Variants in MAP3K2 observed in about 807,000 individuals in gnomAD.
MAP3K2 encodes mitogen-activated protein kinase kinase kinase 2.
In MAP3K2, 24 loss-of-function variants were observed where a neutral mutation model predicts 80.3. The ratio of observed to expected loss-of-function variants is 0.30; its 90% CI spans 0.22 to 0.42. The LOEUF (loss-of-function observed/expected upper bound fraction) is 0.42, where lower values mean the gene tolerates loss of function less well. Ranked by LOEUF, MAP3K2 falls within the 10% of genes least tolerant of loss-of-function variation. The pLI is 1.00. For synonymous variants in MAP3K2, 244 were observed against 253.7 expected (o/e 0.96, Z 0.36); for missense variants, 608 against 750.1 (o/e 0.81, Z 2.21).
At chr2:127,349,806 G>T (rs1686661504) in intron 1 of MAP3K2, among the ~76,000 whole-genome samples, 1 of 152,102 alleles carries the variant, frequency 6.6e-6, no homozygotes, top group Non-Finnish European at 1.5e-5. Context: ...TCACAAAGTG[G>T]TTGGGGAAGT....
chr2:127,328,554 A>G (rs56287237), intron 7 of MAP3K2, among the ~76,000 whole-genome samples: 5,154 of 152,322 alleles, frequency 0.034, 126 homozygotes, highest in Middle Eastern at 0.071. Flanking sequence ...TGGGTGTTTC[A>G]AATGTTCTTT....
intron 2 of MAP3K2, among the ~76,000 whole-genome samples, chr2:127,341,530 G>GTTTTTTTTTTTTTTTT (rs1341901292): frequency 1.8e-4 from 16 of 91,160 alleles, no homozygotes; most frequent in South Asian, 3.7e-4. Context: ...TTTTTTTGTT[G>GTTTTTTTTTTTTTTTT]TTTTTTTTTT....
At position 127,310,529 on chromosome 2, in the gene MAP3K2, G is replaced by A. The variant is rs1214792213; in HGVS notation, c.1457-1767C>T. On this transcript the variant is annotated intron_variant, in intron 15 of 16. Transcript: ENST00000682094. The surrounding 1 kb of genome is among the most constrained non-coding windows in gnomAD (Gnocchi z 4.8). ...TAGCTGGGCATGGTAGCATGTGCCT[G>A]CAGTCCCAGCTACTTGGGGGCTGAG... 1.3e-5 allele frequency among the ~76,000 whole-genome samples: 2 copies of A among 152,246 alleles called. No individual in the cohort carries two copies. Among genetic ancestry groups the A allele is most frequent in the South Asian group, 4.1e-4 (2 of 4,822 alleles).
chr2:127,315,395 T>C (rs188606184), intron 14 of MAP3K2, among the ~76,000 whole-genome samples: 6 of 152,350 alleles, frequency 3.9e-5, no homozygotes, highest in Admixed American at 6.5e-5. Flanking sequence ...ATGTTTCTGC[T>C]TTTCCTTGAA....
At chr2:127,374,734 C>T (rs1687121271) in intron 1 of MAP3K2, among the ~76,000 whole-genome samples, 1 of 152,184 alleles carries the variant, frequency 6.6e-6, no homozygotes. Flanking sequence ...TAAACATCTT[C>T]TTTTAACTTT....
intron 14 of MAP3K2, among the ~76,000 whole-genome samples, chr2:127,315,855 C>G (rs532729440): frequency 6.6e-6 from 1 of 151,410 alleles, no homozygotes; most frequent in Non-Finnish European, 1.5e-5. Flanking sequence ...GAGGCTGAGG[C>G]GGGCAGATCA....
intron 1 of MAP3K2, among the ~76,000 whole-genome samples, chr2:127,343,604 A>T (rs1024314469): frequency 2.0e-5 from 3 of 149,592 alleles, no homozygotes; most frequent in African/African-American, 2.4e-5. Flanking sequence ...ATGTTGGTTT[A>T]AAAAAAAAAC....
At chr2:127,369,761 G>A (rs1003025577) in intron 1 of MAP3K2, among the ~76,000 whole-genome samples, 1 of 152,138 alleles carries the variant, frequency 6.6e-6, no homozygotes, top group Non-Finnish European at 1.5e-5. Flanking sequence ...GTCTTCCTTT[G>A]GCCAGAGCTG....
At chr2:127,308,541 T>C (rs761195003) in intron 16 of MAP3K2, 44 bp downstream of exon 16, 3 of 1,492,388 alleles carry the variant, frequency 2.0e-6, no homozygotes, top group African/African-American at 1.4e-5. Flanking sequence ...TGGAAATACA[T>C]AGGCGGCAGG....
chr2:127,349,539 T>TCAG lies in MAP3K2; in HGVS notation c.-65-6346_-65-6345insCTG. ...TGTATTACCTCAGTTTTTAGGACTT[T>TCAG]TAATCAAGACAAATATAAGACTAAA... On this transcript the variant is annotated intron_variant, in intron 1 of 16. Coordinates refer to ENST00000682094, the MANE Select transcript of MAP3K2 (RefSeq NM_001371910.2). Among the ~76,000 whole-genome samples the TCAG allele has an allele frequency of 1.3e-5, 2 of 152,152 alleles. 1 individual carries two copies. Among genetic ancestry groups the TCAG allele is most frequent in the African/African-American group, 4.8e-5 (2 of 41,388 alleles).
chr2:127,343,861 A>G (rs1686545526), intron 1 of MAP3K2, among the ~76,000 whole-genome samples: 1 of 152,128 alleles, frequency 6.6e-6, no homozygotes, highest in African/African-American at 2.4e-5. Context: ...ATACAAAAAA[A>G]TACAAAAATT....
chr2:127,383,478 G>C (rs1474752370), intron 1 of MAP3K2, among the ~76,000 whole-genome samples: 1 of 152,026 alleles, frequency 6.6e-6, no homozygotes, highest in Non-Finnish European at 1.5e-5. Context: ...TTTTCAGTTG[G>C]ATCGTCATTG....
chr2:127,307,367 C>G lies in MAP3K2; in HGVS notation c.*212G>C, dbSNP rs1573974960. 1 of 322,892 alleles carries G rather than the reference C, an allele frequency of 3.1e-6. No individual in the cohort carries two copies. Among genetic ancestry groups the G allele is most frequent in the East Asian group, 5.3e-5 (1 of 18,964 alleles). 20.0% of individuals were successfully genotyped at this position (322,892 alleles called of 1,614,324 possible). A position where few individuals can be genotyped will look rare whatever the true frequency, so the allele number is the denominator to read the frequency against. On this transcript the variant is annotated 3_prime_UTR_variant, in exon 17 of 17. Transcript: ENST00000682094. The surrounding 1 kb of genome is among the most constrained non-coding windows in gnomAD (Gnocchi z 5.4). ...TTATAAAAATTAAAAAAAAAAACTT[C>G]AAGTTCTTGTAAGGGAAAAAAAGAT...
chr2:127,324,414 T>C (rs888124350), intron 9 of MAP3K2, among the ~76,000 whole-genome samples, 173 bp from the exon 10 acceptor site: 1 of 152,226 alleles, frequency 6.6e-6, no homozygotes, highest in Admixed American at 6.5e-5. Flanking sequence ...ACTTGGTACA[T>C]GTAGGCAAAG....
intron 1 of MAP3K2, among the ~76,000 whole-genome samples, chr2:127,356,486 G>C (rs1435927884): frequency 6.6e-6 from 1 of 152,098 alleles, no homozygotes; most frequent in Non-Finnish European, 1.5e-5. Flanking sequence ...AAAAACATGT[G>C]AGCCTGGCTT....
chr2:127,344,817 A>C (rs945657638), intron 1 of MAP3K2, among the ~76,000 whole-genome samples: 2 of 152,174 alleles, frequency 1.3e-5, no homozygotes, highest in East Asian at 3.8e-4. Context: ...AATCCAAAAA[A>C]CTTCTGGTCC....
intron 1 of MAP3K2, chr2:127,378,032 A>G (rs1687179309): frequency 4.3e-6 from 1 of 235,156 alleles, no homozygotes; most frequent in Non-Finnish European, 6.9e-6. Flanking sequence ...AAATATTTTT[A>G]ATAGATACTA....
At chr2:127,323,832 A>C in intron 11 of MAP3K2, 70 bp downstream of exon 11, 1 of 701,826 alleles carries the variant, frequency 1.4e-6, no homozygotes, top group South Asian at 3.0e-5. Context: ...AGGTTTTAAA[A>C]AATTTTTGTA....
chr2:127,376,947 G>C (rs185202326), intron 1 of MAP3K2, among the ~76,000 whole-genome samples: 2 of 152,016 alleles, frequency 1.3e-5, no homozygotes, highest in East Asian at 3.9e-4. Flanking sequence ...TGTAGTCCCA[G>C]CTACTCAGGA....
Sources: gnomAD v4.1 joint callset for allele counts (sites outside exome capture counted in the v4.1 genomes callset) on GRCh38, gnomAD v4.1.1 for gene constraint, Gnocchi (gnomAD v3.1) non-coding constraint, MANE v1.5 for transcripts, NCBI Gene and HGNC (gene_info 2026-07-23, HGNC 2026-07-21) for gene names.